Variants in PRELID2 observed in about 807,000 individuals in gnomAD.
PRELID2 encodes the protein PRELI domain containing 2.
PRELID2 carries 25 observed loss-of-function variants against 28.4 expected under a neutral mutation model. The ratio of observed to expected loss-of-function variants is 0.88; its 90% CI spans 0.64 to 1.23. The LOEUF is 1.23. Ranked by LOEUF, PRELID2 falls within the 50% of genes most tolerant of loss-of-function variation. The pLI is 0.00. For missense variants in PRELID2, 201 were observed against 214.4 expected (o/e 0.94, Z 0.39); for synonymous variants, 76 against 71.6 (o/e 1.06, Z -0.31).
chr5:145,724,491 T>A (rs891223943), intron 1 of PRELID2, among the ~76,000 whole-genome samples: 6 of 150,102 alleles, frequency 4.0e-5, no homozygotes, highest in Non-Finnish European at 8.9e-5. Flanking sequence ...AGATAATGGA[T>A]TAGATAATAA....
intron 1 of PRELID2, among the ~76,000 whole-genome samples, chr5:145,547,110 T>C (rs1752794428): frequency 6.6e-6 from 1 of 152,188 alleles, no homozygotes; most frequent in African/African-American, 2.4e-5. Context: ...AAGAATATAC[T>C]TTTCTTTGCT....
chr5:145,804,382 C>A (rs1013425912), intron 4 of PRELID2, among the ~76,000 whole-genome samples: 2 of 151,992 alleles, frequency 1.3e-5, no homozygotes, highest in Non-Finnish European at 2.9e-5. Context: ...TGGTGGCATA[C>A]ACCTGTAAAC....
downstream of PRELID2, among the ~76,000 whole-genome samples, chr5:145,468,283 A>AT (rs1752021713): frequency 6.6e-6 from 1 of 152,076 alleles, no homozygotes; most frequent in Non-Finnish European, 1.5e-5. Context: ...TCCATGGTAT[A>AT]TATGTGCCAC....
the PRELID2 span, among the ~76,000 whole-genome samples, chr5:145,351,968 C>T: frequency 2.0e-5 from 3 of 152,228 alleles, no homozygotes; most frequent in African/African-American, 7.2e-5. Context: ...GCTGGGCTCT[C>T]ATGGCATTGG....
At chr5:145,768,183 C>G (rs761697667) in intron 5 of PRELID2, among the ~76,000 whole-genome samples, 5 of 147,362 alleles carry the variant, frequency 3.4e-5, no homozygotes, top group Non-Finnish European at 7.4e-5. Context: ...CAAGAGCACG[C>G]CACTGCATTC....
Position 145,546,094 on chromosome 5 carries a change from C to A in PRELID2, n.71-72779G>T, listed in dbSNP as rs58833751. ...CAATGCTTGCTAAATATGCAGATTT[C>A]CAGGCCTCACATACTATAAAACATA... On this transcript the variant is annotated intron_variant and non_coding_transcript_variant, in intron 1 of 2. Coordinates refer to the PRELID2 transcript ENST00000510259. Among the ~76,000 whole-genome samples, 1,174 of 152,184 alleles carry A rather than the reference C, an allele frequency of 7.7e-3. 22 individuals are homozygous for A. Among genetic ancestry groups the A allele is most frequent in the African/African-American group, 0.027 (1,125 of 41,512 alleles).
the PRELID2 span, among the ~76,000 whole-genome samples, chr5:145,322,137 G>T: frequency 6.6e-6 from 1 of 152,148 alleles, no homozygotes; most frequent in Non-Finnish European, 1.5e-5. Flanking sequence ...TTCAAAAATG[G>T]CTAGAAAATG....
chr5:145,789,577 A>G (rs541471229), intron 5 of PRELID2, among the ~76,000 whole-genome samples: 1 of 152,354 alleles, frequency 6.6e-6, no homozygotes, highest in Admixed American at 6.5e-5. Context: ...AATCCATGAC[A>G]TTGGTCTGGG....
chr5:145,339,700 T>C, the PRELID2 span, among the ~76,000 whole-genome samples: 1 of 152,110 alleles, frequency 6.6e-6, no homozygotes, highest in African/African-American at 2.4e-5. Context: ...TAGGCTGCAA[T>C]GGGATCAAAG....
intron 1 of PRELID2, among the ~76,000 whole-genome samples, chr5:145,631,587 G>A (rs1753933398): frequency 6.6e-6 from 1 of 152,114 alleles, no homozygotes; most frequent in Non-Finnish European, 1.5e-5. Context: ...AACACCATGA[G>A]TTCAAGGGGT....
the PRELID2 span, among the ~76,000 whole-genome samples, chr5:145,346,411 A>G: frequency 6.6e-6 from 1 of 152,140 alleles, no homozygotes; most frequent in African/African-American, 2.4e-5. Context: ...GTTCACTAAC[A>G]TTGCCCATTG....
the PRELID2 span, among the ~76,000 whole-genome samples, chr5:145,231,655 C>T: frequency 6.6e-6 from 1 of 152,202 alleles, no homozygotes; most frequent in South Asian, 2.1e-4. Context: ...GGACAGTCAA[C>T]CTCTGAATCC....
the PRELID2 span, among the ~76,000 whole-genome samples, chr5:145,245,282 T>C: frequency 6.6e-6 from 1 of 152,068 alleles, no homozygotes; most frequent in South Asian, 2.1e-4. Flanking sequence ...AGACCAATTT[T>C]AAATAAATTT....
the PRELID2 span, among the ~76,000 whole-genome samples, chr5:145,416,365 T>G: frequency 1.3e-5 from 2 of 151,974 alleles, no homozygotes; most frequent in Non-Finnish European, 2.9e-5. Context: ...GGGCAAGGAC[T>G]TCATGTCTAA....
intron 1 of PRELID2, among the ~76,000 whole-genome samples, chr5:145,658,530 G>A (rs1754434040): frequency 6.6e-6 from 1 of 152,190 alleles, no homozygotes; most frequent in Admixed American, 6.5e-5. Context: ...CCTTGGTGAT[G>A]AGTGAGTACT....
At chr5:145,269,021 G>T in the PRELID2 span, among the ~76,000 whole-genome samples, 10 of 152,030 alleles carry the variant, frequency 6.6e-5, no homozygotes, top group Non-Finnish European at 1.3e-4. Context: ...AGCATTGATA[G>T]AAATTAAGAG....
At chr5:145,673,041 A>G (rs1358479810) in intron 1 of PRELID2, among the ~76,000 whole-genome samples, 1 of 152,228 alleles carries the variant, frequency 6.6e-6, no homozygotes, top group Non-Finnish European at 1.5e-5. Context: ...TGGAGGAAAT[A>G]GAGTGCCAGA....
At chr5:145,748,873 G>A (rs1757059117) in intron 1 of PRELID2, among the ~76,000 whole-genome samples, 1 of 152,132 alleles carries the variant, frequency 6.6e-6, no homozygotes, top group Admixed American at 6.5e-5. Context: ...AAGCAATGGG[G>A]AAAGGATCTC....
intron 1 of PRELID2, among the ~76,000 whole-genome samples, chr5:145,497,523 T>TTTG (rs1752319344): frequency 6.6e-6 from 1 of 152,098 alleles, no homozygotes; most frequent in Non-Finnish European, 1.5e-5. Flanking sequence ...GATCAAAATG[T>TTTG]TTACAGTGTT....
Sources: gnomAD v4.1 joint callset for allele counts (sites outside exome capture counted in the v4.1 genomes callset) on GRCh38, gnomAD v4.1.1 for gene constraint, MANE v1.5 for transcripts, NCBI Gene and HGNC (gene_info 2026-07-23, HGNC 2026-07-21) for gene names.